The following KIF1A variants were observed in gnomAD, a reference collection of about 807,000 sequenced individuals.
KIF1A encodes kinesin-like protein KIF1A.
KIF1A carries 46 observed loss-of-function variants against 227.3 expected under a neutral mutation model. The ratio of observed to expected loss-of-function variants is 0.20; its 90% CI spans 0.16 to 0.26. The LOEUF is 0.26. KIF1A is among the 10% of genes least tolerant of loss of function. The probability of loss-of-function intolerance (pLI) is 1.00; values close to 1 mark genes in which losing one functional copy is unlikely to be tolerated. For missense variants in KIF1A, 1,683 were observed against 2,485.9 expected (o/e 0.68, Z 6.87); for synonymous variants, 1,022 against 1,012.8 (o/e 1.01, Z -0.17).
intron 1 of KIF1A, among the ~76,000 whole-genome samples, chr2:240,812,963 A>ACCTTCACCTCGGAGATCTG (rs2058041411): frequency 1.4e-3 from 85 of 59,916 alleles, no homozygotes; most frequent in Non-Finnish European, 2.1e-3. Flanking sequence ...TCAAGGATCC[A>ACCTTCACCTCGGAGATCTG]CCTTCACCTC....
chr2:240,766,864 C>A lies in KIF1A; in HGVS notation c.1684+51G>T. On this transcript the variant is annotated intron_variant, in intron 19 of 48. Coordinates refer to ENST00000498729, the MANE Select transcript of KIF1A (RefSeq NM_001244008.2). This position sits in a 1 kb window ranked among gnomAD's most constrained non-coding sequence, Gnocchi z 5.0. ...GAGGGTGACCTCATTCAGGCCTGAT[C>A]ATCACGGCACAGGGGCATGGGTGCG... 7.5e-7 allele frequency: 1 copy of A among 1,324,646 alleles called. No homozygotes were observed. 82.1% of individuals were successfully genotyped at this position (1,324,646 alleles called of 1,614,324 possible).
chr2:240,720,851 C>T (rs1014189438), intron 45 of KIF1A, 63 bp downstream of exon 45: 22 of 1,482,564 alleles, frequency 1.5e-5, no homozygotes, highest in Admixed American at 6.5e-5. Flanking sequence ...GCCCGAGTCA[C>T]GGCCATGGTC....
At chr2:240,782,506 G>T (rs1221658850) in intron 10 of KIF1A, 84 bp downstream of exon 10, 9 of 1,416,002 alleles carry the variant, frequency 6.4e-6, no homozygotes, top group Non-Finnish European at 8.7e-6. Context: ...TGCCCGCCCC[G>T]CCCCTCACCA....
chr2:240,787,731 G>T (rs1056285862), intron 4 of KIF1A, among the ~76,000 whole-genome samples: 1 of 152,086 alleles, frequency 6.6e-6, no homozygotes, highest in Non-Finnish European at 1.5e-5. Flanking sequence ...ACCTCTCTCT[G>T]CCCACACTGC....
At chr2:240,764,000 A>G (rs2050841582) in intron 20 of KIF1A, among the ~76,000 whole-genome samples, 1 of 151,324 alleles carries the variant, frequency 6.6e-6, no homozygotes, top group Non-Finnish European at 1.5e-5. Context: ...GGGCTGCCCC[A>G]TCTGCAGGGC....
chr2:240,734,827 G>A (rs555299637), intron 38 of KIF1A: 118 of 1,079,478 alleles, frequency 1.1e-4, no homozygotes, highest in Middle Eastern at 2.4e-4. Context: ...AGAGGGAAGC[G>A]GCCTGTGGCC....
At chr2:240,743,263 A>T (rs1021961751) in intron 33 of KIF1A, among the ~76,000 whole-genome samples, 1 of 152,076 alleles carries the variant, frequency 6.6e-6, no homozygotes, top group Non-Finnish European at 1.5e-5. Flanking sequence ...CCCAGAACAA[A>T]GCCTTCATTG....
chr2:240,724,313 C>T, intron 40 of KIF1A: 1 of 509,684 alleles, frequency 2.0e-6, no homozygotes. Flanking sequence ...TTGTCCCAGC[C>T]CAAGTGGGGT....
intron 38 of KIF1A, among the ~76,000 whole-genome samples, chr2:240,733,963 G>A (rs879925128): frequency 9.9e-5 from 15 of 152,226 alleles, no homozygotes; most frequent in African/African-American, 3.1e-4. Flanking sequence ...AGGTCTCGCC[G>A]ACTCCCTGCC....
rs62637652 is a variant in KIF1A at position 240,760,724 on chromosome 2, G to A, written c.2385C>T (p.Ala795=). The change falls in exon 25 of 49, where the codon GCC becomes GCT. Residue 795 remains alanine, a synonymous_variant. Coordinates refer to ENST00000498729, the MANE Select transcript of KIF1A (RefSeq NM_001244008.2). ...CGTTCTTCTGGTCCTGGACCTCCAC[G>A]GCCACAATGGTGCGGGGGAAGGGCC... ...ETRPFPRTIV[A]VEVQDQKNGA... 0.014 allele frequency: 22,065 copies of A among 1,588,182 alleles called. 189 individuals are homozygous for A. Among genetic ancestry groups the A allele is most frequent in the Non-Finnish European group, 0.015 (17,954 of 1,166,636 alleles).
chr2:240,728,333 CG>C, intron 38 of KIF1A: 1 of 1,134,684 alleles, frequency 8.8e-7, no homozygotes, highest in South Asian at 1.3e-5. Context: ...GAAAGGAACT[CG>C]GAAGAGCAGA....
intron 15 of KIF1A, 119 bp downstream of exon 15, chr2:240,770,852 T>C (rs2051864791): frequency 3.2e-6 from 4 of 1,257,250 alleles, no homozygotes; most frequent in Non-Finnish European, 4.4e-6. Flanking sequence ...CTCCTGCTGA[T>C]GCTCCACAAT....
intron 37 of KIF1A, 89 bp from the exon 38 acceptor site, chr2:240,737,257 G>A (rs531174431): frequency 8.9e-5 from 85 of 959,660 alleles, no homozygotes; most frequent in Non-Finnish European, 1.4e-4. Context: ...CTGTCAGCAA[G>A]CCAGCTCCCC....
At chr2:240,803,987 G>A (rs1668106354) in intron 1 of KIF1A, among the ~76,000 whole-genome samples, 1 of 152,184 alleles carries the variant, frequency 6.6e-6, no homozygotes, top group African/African-American at 2.4e-5. Context: ...TCCTGCCCGG[G>A]TCAGGCGTGG....
chr2:240,759,143 G>A (rs1005197896), intron 25 of KIF1A, among the ~76,000 whole-genome samples: 1 of 88,044 alleles, frequency 1.1e-5, no homozygotes, highest in African/African-American at 5.8e-5. Context: ...GAATGCTTAT[G>A]AGTGTGTGTG....
intron 37 of KIF1A, 68 bp from the exon 38 acceptor site, chr2:240,737,236 A>AG: frequency 3.2e-6 from 4 of 1,245,398 alleles, no homozygotes; most frequent in Middle Eastern, 1.9e-4. Context: ...GGGCTGCCTC[A>AG]GGTGGGGGTC....
Position 240,788,356 on chromosome 2 carries a change from G to T in KIF1A, c.184-126C>A, listed in dbSNP as rs191582445. On this transcript the variant is annotated intron_variant, in intron 3 of 48. Transcript: ENST00000498729. This position sits in a 1 kb window ranked among gnomAD's most constrained non-coding sequence, Gnocchi z 6.6. Reference sequence around the variant, plus strand: ...CCAGGGCAGCACAGTGGGGAGGGATGCCTGCCCCCCATCCTACTCCTGCCT... The same window carrying T: ...CCAGGGCAGCACAGTGGGGAGGGATTCCTGCCCCCCATCCTACTCCTGCCT... 175 of 803,542 alleles carry T rather than the reference G, an allele frequency of 2.2e-4. No individual in the cohort carries two copies. Among genetic ancestry groups the T allele is most frequent in the East Asian group, 9.7e-4 (36 of 37,206 alleles). The allele number at this position is 803,542 out of a possible 1,614,324, so 49.8% of individuals were successfully genotyped here. A position where few individuals can be genotyped will look rare whatever the true frequency, so the allele number is the denominator to read the frequency against.
intron 27 of KIF1A, 29 bp from the exon 28 acceptor site, chr2:240,750,576 G>A (rs529072684): frequency 4.8e-5 from 73 of 1,510,548 alleles, no homozygotes; most frequent in South Asian, 3.2e-4. Context: ...GGCGGTCATG[G>A]GCCACCCCTC....
At chr2:240,744,757 T>C (rs1392733337) in intron 32 of KIF1A, among the ~76,000 whole-genome samples, 2 of 152,212 alleles carry the variant, frequency 1.3e-5, no homozygotes, top group African/African-American at 2.4e-5. Flanking sequence ...TGTTTTTAGA[T>C]GCCCCCACCT....
Sources: gnomAD v4.1 joint callset for allele counts (sites outside exome capture counted in the v4.1 genomes callset) on GRCh38, gnomAD v4.1.1 for gene constraint, Gnocchi (gnomAD v3.1) non-coding constraint, MANE v1.5 for transcripts, NCBI Gene and HGNC (gene_info 2026-07-23, HGNC 2026-07-21) for gene names.